ADAMTSL1: variants seen among roughly 807,000 people sequenced by gnomAD.
ADAMTSL1 encodes the protein ADAMTS like 1.
ADAMTSL1 carries 126 observed loss-of-function variants against 201.8 expected under a neutral mutation model. The observed-to-expected ratio is 0.62, with a 90% CI of 0.54 to 0.72. The LOEUF (loss-of-function observed/expected upper bound fraction) is 0.72. Among genes scored for constraint, ADAMTSL1 ranks in the 30% least tolerant of loss-of-function variants. The probability of loss-of-function intolerance (pLI) is 0.00; values close to 1 mark genes in which losing one functional copy is unlikely to be tolerated. For missense variants in ADAMTSL1, 2,679 were observed against 2,277.8 expected (o/e 1.18, Z -3.59); for synonymous variants, 1,121 against 903.4 (o/e 1.24, Z -4.32).
At chr9:18,006,930 A>G (rs1436535643) in intron 1 of ADAMTSL1, among the ~76,000 whole-genome samples, 1 of 151,968 alleles carries the variant, frequency 6.6e-6, no homozygotes, top group African/African-American at 2.4e-5. Flanking sequence ...GTTTGTCTAG[A>G]TTTGCTGGAA....
chr9:18,040,362 T>C (rs968174008), intron 1 of ADAMTSL1, among the ~76,000 whole-genome samples: 1 of 152,172 alleles, frequency 6.6e-6, no homozygotes, highest in Non-Finnish European at 1.5e-5. Context: ...TTGTTTCTGA[T>C]CTTAAGTGGT....
intron 2 of ADAMTSL1, among the ~76,000 whole-genome samples, chr9:18,165,114 T>C (rs1470801997): frequency 6.6e-6 from 1 of 151,970 alleles, no homozygotes; most frequent in East Asian, 1.9e-4. Flanking sequence ...TTTACAGCTT[T>C]CTTTGTGATC....
At chr9:17,999,424 T>C (rs1819520945) in intron 1 of ADAMTSL1, among the ~76,000 whole-genome samples, 1 of 152,002 alleles carries the variant, frequency 6.6e-6, no homozygotes, top group Non-Finnish European at 1.5e-5. Context: ...CAAAGAGTAA[T>C]TTTCCTAGTT....
chr9:18,885,740 A>T (rs1828808625), intron 23 of ADAMTSL1, among the ~76,000 whole-genome samples: 1 of 152,162 alleles, frequency 6.6e-6, no homozygotes, highest in African/African-American at 2.4e-5. Context: ...TACCTCAGGA[A>T]AAACAAAAAT....
rs1182998416 is a variant in ADAMTSL1, at chr9:18,127,833, TATC to T, written c.88-36023_88-36021del. On this transcript the variant is annotated intron_variant, in intron 1 of 29. Transcript: ENST00000680146. ...TTGTTTAAAGCAAAGACTACCGGCA[TATC>T]ATCATTTCCATTTTGTTTTCCTCTC... Among the ~76,000 whole-genome samples, 8 of 152,210 alleles carry T rather than the reference TATC, an allele frequency of 5.3e-5. 1 individual carries two copies. The highest frequency in any genetic ancestry group is 1.9e-4 in the African/African-American group (8 of 41,454).
At chr9:17,971,605 A>AT (rs942529586) in intron 1 of ADAMTSL1, among the ~76,000 whole-genome samples, 3 of 151,948 alleles carry the variant, frequency 2.0e-5, no homozygotes, top group African/African-American at 7.2e-5. Context: ...TATGAAGGTA[A>AT]TTTTTTCCAT....
At chr9:17,972,251 G>A (rs558935166) in intron 1 of ADAMTSL1, among the ~76,000 whole-genome samples, 1 of 137,360 alleles carries the variant, frequency 7.3e-6, no homozygotes, top group East Asian at 2.3e-4. Flanking sequence ...CCATGTTGGT[G>A]TGCTGCATCC....
At chr9:18,431,371 C>A (rs889088129) in intron 2 of ADAMTSL1, among the ~76,000 whole-genome samples, 6 of 152,268 alleles carry the variant, frequency 3.9e-5, no homozygotes, top group Admixed American at 1.3e-4. Flanking sequence ...ATCAGTGTGG[C>A]TCATTTTTCA....
chr9:18,828,683 T>TATATATAA (rs1563836044), intron 22 of ADAMTSL1, among the ~76,000 whole-genome samples: 6 of 105,838 alleles, frequency 5.7e-5, no homozygotes, highest in African/African-American at 2.6e-4. Flanking sequence ...TATATATATA[T>TATATATAA]ATATATATAT....
At chr9:18,303,345 G>A (rs967699779) in intron 2 of ADAMTSL1, among the ~76,000 whole-genome samples, 1 of 152,188 alleles carries the variant, frequency 6.6e-6, no homozygotes, top group African/African-American at 2.4e-5. Context: ...GGCAGAACTA[G>A]TCAGGTCTTC....
intron 2 of ADAMTSL1, among the ~76,000 whole-genome samples, chr9:18,242,502 A>G (rs1325363948): frequency 3.3e-5 from 5 of 152,170 alleles, no homozygotes; most frequent in East Asian, 1.9e-4. Context: ...TGTTAGAACT[A>G]TTAGCAAGAA....
At chr9:17,999,148 G>T (rs557677070) in intron 1 of ADAMTSL1, among the ~76,000 whole-genome samples, 69 of 152,092 alleles carry the variant, frequency 4.5e-4, no homozygotes, top group Non-Finnish European at 7.2e-4. Context: ...AGAACTGATT[G>T]TGTGATTGTG....
intron 1 of ADAMTSL1, among the ~76,000 whole-genome samples, chr9:18,040,596 C>G (rs149040447): frequency 6.6e-6 from 1 of 152,258 alleles, no homozygotes; most frequent in African/African-American, 2.4e-5. Flanking sequence ...GTGAATATTA[C>G]TGCTATAGTG....
In ADAMTSL1 at chr9:18,423,626, A is replaced by G. The variant is rs79572626; in HGVS notation, c.208-81203A>G. ...CCCTACTAGCGAGGTAAGAAACATA[A>G]AGAAAGCAACATAAAAATGGCATTA... On this transcript the variant is annotated intron_variant, in intron 2 of 29. Transcript: ENST00000680146. Among the ~76,000 whole-genome samples, 214 of 152,322 alleles carry G rather than the reference A, an allele frequency of 1.4e-3. 1 individual carries two copies. Among genetic ancestry groups the G allele is most frequent in the Non-Finnish European group, 2.7e-3 (182 of 68,028 alleles).
In ADAMTSL1 at chr9:18,708,256, G is replaced by T. The variant is rs1053204584; in HGVS notation, c.1876+1208G>T. On this transcript the variant is annotated intron_variant, in intron 14 of 28. Coordinates refer to ENST00000380548, the MANE Select transcript of ADAMTSL1 (RefSeq NM_001040272.6). ...TGTAGTTGAAAAGGAATGAATAGTG[G>T]AACAAGTACTAGCAAAGAATCAATT... is the stretch of plus-strand genomic sequence containing the variant. 9.9e-5 allele frequency among the ~76,000 whole-genome samples: 15 copies of T among 152,194 alleles called. 1 individual carries two copies. Among genetic ancestry groups the T allele is most frequent in the Non-Finnish European group, 1.5e-4 (10 of 68,036 alleles).
Position 18,432,903 on chromosome 9 carries a change from A to G in ADAMTSL1, c.208-71926A>G, listed in dbSNP as rs1819560056. Among the ~76,000 whole-genome samples the G allele has an allele frequency of 1.3e-5, 2 of 152,298 alleles. 1 individual carries two copies. The highest frequency in any genetic ancestry group is 4.1e-4 in the South Asian group (2 of 4,826). ...AAGTGTCCCTGCCTCCTTTGTTACC[A>G]ATCTTGCTTTAGCTTTTGAAACTTT... On this transcript the variant is annotated intron_variant, in intron 2 of 29. Transcript: ENST00000680146.
intron 23 of ADAMTSL1, among the ~76,000 whole-genome samples, chr9:18,864,387 T>C (rs1428657745): frequency 6.6e-6 from 1 of 152,202 alleles, no homozygotes; most frequent in Non-Finnish European, 1.5e-5. Flanking sequence ...TCAAAGTGAC[T>C]GGCAGCTAAT....
chr9:18,436,332 C>G (rs1004993920), intron 2 of ADAMTSL1, among the ~76,000 whole-genome samples: 1 of 152,156 alleles, frequency 6.6e-6, no homozygotes, highest in Non-Finnish European at 1.5e-5. Context: ...AAAGGCATGG[C>G]TCTGGACCAC....
At chr9:18,351,363 C>T (rs187737244) in intron 2 of ADAMTSL1, among the ~76,000 whole-genome samples, 1 of 151,832 alleles carries the variant, frequency 6.6e-6, no homozygotes, top group Admixed American at 6.6e-5. Flanking sequence ...ATAGTTTTCT[C>T]AAAGTTTTAA....
Sources: allele counts gnomAD v4.1 joint callset (sites outside exome capture counted in the v4.1 genomes callset), GRCh38; gene constraint gnomAD v4.1.1; transcripts MANE v1.5; gene names NCBI Gene and HGNC (gene_info 2026-07-23, HGNC 2026-07-21).